The following SPEG variants were observed in gnomAD, a reference collection of about 807,000 sequenced individuals.
SPEG encodes the protein striated muscle preferentially expressed protein kinase.
In SPEG, 114 loss-of-function variants were observed where a neutral mutation model predicts 300.4. That is an observed-to-expected ratio of 0.38 (90% confidence interval 0.33 to 0.44). SPEG has a LOEUF of 0.44. Ranked by LOEUF, SPEG falls within the 20% of genes least tolerant of loss-of-function variation. The probability of loss-of-function intolerance (pLI) is 1.00; values close to 1 mark genes in which losing one functional copy is unlikely to be tolerated. For synonymous variants in SPEG, 1,964 were observed against 2,018.9 expected (o/e 0.97, Z 0.73); for missense variants, 4,201 against 4,586.2 (o/e 0.92, Z 2.43).
chr2:219,456,571 A>C (rs892488155), intron 6 of SPEG, among the ~76,000 whole-genome samples: 1 of 152,338 alleles, frequency 6.6e-6, no homozygotes, highest in East Asian at 1.9e-4. Flanking sequence ...CTGTTGTTGC[A>C]GCCACTTTTC....
rs529706100 is a variant in SPEG, at chr2:219,445,546, C to T, written c.815+385C>T. ...TTGGTGCCTGCTGTCTCAGCAGCTG[C>T]TGCCTTTTCATCTCTCTGCACATTC... is the stretch of plus-strand genomic sequence containing the variant. On this transcript the variant is annotated intron_variant, in intron 3 of 40. Transcript: ENST00000312358. The surrounding 1 kb of genome is among the most constrained non-coding windows in gnomAD (Gnocchi z 6.1). 301 of 317,754 alleles carry T rather than the reference C, an allele frequency of 9.5e-4. 2 individuals carry two copies. The highest frequency in any genetic ancestry group is 6.2e-3 in the African/African-American group (285 of 45,912). The allele number at this position is 317,754 out of a possible 1,614,324, so 19.7% of individuals were successfully genotyped here. A position where few individuals can be genotyped will look rare whatever the true frequency, so the allele number is the denominator to read the frequency against.
At position 219,488,850 on chromosome 2, in the gene SPEG, C is replaced by G; in HGVS notation, c.8099C>G (p.Pro2700Arg). ...GACACGGCGCTGGTGCTGTGGAAGC[C>G]GGGAGACAGCCGGGCACCTTGCACG... ...YQDTALVLWK[P>R]GDSRAPCTYT... is the part of the protein sequence containing the mutation. The change falls in exon 34 of 41, where the codon CCG becomes CGG. Residue 2700 changes from proline (P) to arginine (R), a missense_variant. Physicochemically the swap from Pro to Arg is moderately radical, Grantham distance 103. Transcript: ENST00000312358. The G allele has an allele frequency of 6.3e-7, 1 of 1,588,778 alleles. No homozygotes were observed. Among genetic ancestry groups the G allele is most frequent in the Non-Finnish European group, 8.6e-7 (1 of 1,166,464 alleles).
Position 219,482,811 on chromosome 2 carries a change from A to G in SPEG, c.5593A>G (p.Thr1865Ala), listed in dbSNP as rs943157971. The G allele has an allele frequency of 3.4e-5, 55 of 1,613,760 alleles. No individual in the cohort carries two copies. The highest frequency in any genetic ancestry group is 4.3e-5 in the Non-Finnish European group (51 of 1,179,952). The change falls in exon 29 of 41, where the codon ACG becomes GCG. Residue 1865 changes from threonine to alanine, a missense_variant. Thr to Ala is a moderately conservative substitution (Grantham distance 58). Transcript: ENST00000312358. ...KTQAKGAEVS[T>A]DHLKLFLSRR... is the part of the protein sequence containing the mutation. ...TCAGGCAAAGGGCGCAGAGGTGAGC[A>G]CGGATCACCTGAAGCTATTCCTCTC...
intron 31 of SPEG, 21 bp downstream of exon 31, chr2:219,485,498 T>C (rs774413991): frequency 6.5e-7 from 1 of 1,531,084 alleles, no homozygotes; most frequent in Admixed American, 2.0e-5. Context: ...GCCTGCTGGG[T>C]GAGGACCCTC....
chr2:219,448,507 C>A lies in SPEG; in HGVS notation c.1349C>A (p.Pro450His). The change falls in exon 4 of 41, where the codon CCC becomes CAC. Residue 450 changes from proline to histidine, a missense_variant. By Grantham distance (77) the Pro-to-His change is moderately conservative (BLOSUM62 -2). Transcript: ENST00000312358. ...KSERGAPWGT[P>H]GASQEELRAP... Reference sequence around the variant, plus strand: ...GAGCGCGGCGCACCGTGGGGCACCCCCGGGGCCTCGCAGGAAGAACTGCGG... The same window carrying A: ...GAGCGCGGCGCACCGTGGGGCACCCACGGGGCCTCGCAGGAAGAACTGCGG... 1.4e-6 allele frequency: 2 copies of A among 1,452,508 alleles called. No individual in the cohort carries two copies. Among genetic ancestry groups the A allele is most frequent in the Non-Finnish European group, 1.8e-6 (2 of 1,111,572 alleles). 90.0% of individuals were successfully genotyped at this position (1,452,508 alleles called of 1,614,324 possible).
chr2:219,480,144 A>G lies in SPEG; in HGVS notation c.5342+4A>G, dbSNP rs1262100871. Reference sequence around the variant, plus strand: ...TGTCTGGAGTCACTGACATCTGGTAAGGCTGGCATGCTGGGCTGGGCCGAC... The same window carrying G: ...TGTCTGGAGTCACTGACATCTGGTAGGGCTGGCATGCTGGGCTGGGCCGAC... On this transcript the variant is annotated splice_donor_region_variant and intron_variant, in intron 25 of 40. Transcript: ENST00000312358. The surrounding 1 kb of genome is among the most constrained non-coding windows in gnomAD (Gnocchi z 5.3). 6.2e-7 allele frequency: 1 copy of G among 1,613,238 alleles called. No individual in the cohort carries two copies. The highest frequency in any genetic ancestry group is 8.5e-7 in the Non-Finnish European group (1 of 1,179,782).
Position 219,484,273 on chromosome 2 carries a change from A to G in SPEG, c.6810A>G (p.Ser2270=). 1 of 1,609,074 alleles carries G rather than the reference A, an allele frequency of 6.2e-7. No individual in the cohort carries two copies. The highest frequency in any genetic ancestry group is 2.2e-5 in the East Asian group (1 of 44,820). ...GPSQGPAAPP[S]EPKPHAAVFA... ...CGCAGGGCCCTGCCGCGCCGCCTTC[A>G]GAGCCCAAGCCCCACGCTGCTGTCT... is the stretch of plus-strand genomic sequence containing the variant. Residue 2270 remains serine, a synonymous_variant, in exon 30 of 41, where the codon TCA becomes TCG. Transcript: ENST00000312358.
Position 219,472,025 on chromosome 2 carries a change from C to T in SPEG, c.3835+38C>T, listed in dbSNP as rs373258647. On this transcript the variant is annotated intron_variant, in intron 14 of 40. Coordinates refer to ENST00000312358, the MANE Select transcript of SPEG (RefSeq NM_005876.5). ...CCCTCGTGGTCAGCTGCACGCACAGCCTGGCCTCTGGCACTACGTGGGGGC... is the reference window on the plus strand; with the variant it reads ...CCCTCGTGGTCAGCTGCACGCACAGTCTGGCCTCTGGCACTACGTGGGGGC... 6.2e-6 allele frequency: 10 copies of T among 1,604,574 alleles called. No homozygotes were observed. In the African/African-American group the frequency reaches 1.1e-4, roughly 17 times the overall value.
intron 38 of SPEG, 70 bp downstream of exon 38, chr2:219,491,026 C>A: frequency 8.3e-7 from 1 of 1,208,546 alleles, no homozygotes; most frequent in Non-Finnish European, 1.2e-6. Context: ...AGGGCTCACC[C>A]CACTTCACTT....
rs1229110235 is a variant in SPEG at position 219,490,723 on chromosome 2, G to C, written c.9162-10G>C. The C allele has an allele frequency of 6.2e-7, 1 of 1,613,708 alleles. No individual in the cohort carries two copies. The highest frequency in any genetic ancestry group is 1.7e-5 in the Admixed American group (1 of 59,996). On this transcript the variant is annotated splice_polypyrimidine_tract_variant and intron_variant, in intron 37 of 40. Coordinates refer to ENST00000312358, the MANE Select transcript of SPEG (RefSeq NM_005876.5). ...GCCGGGTATCATCTGCTCCATCCCT[G>C]CCCTCCCAGGTTCCGGTATTCTGAG...
chr2:219,471,363 G>A (rs1343852733), intron 13 of SPEG, among the ~76,000 whole-genome samples: 1 of 152,202 alleles, frequency 6.6e-6, no homozygotes, highest in African/African-American at 2.4e-5. Flanking sequence ...TGGCTGGCAG[G>A]GAGTTTGGGT....
In SPEG at chr2:219,464,053, G is replaced by T. The variant is rs777194202; in HGVS notation, c.2706-380G>T. Among the ~76,000 whole-genome samples the T allele has an allele frequency of 1.3e-5, 2 of 151,748 alleles. No individual in the cohort carries two copies. Among genetic ancestry groups the T allele is most frequent in the Non-Finnish European group, 2.9e-5 (2 of 67,928 alleles). On this transcript the variant is annotated intron_variant, in intron 8 of 40. Transcript: ENST00000312358. This position sits in a 1 kb window ranked among gnomAD's most constrained non-coding sequence, Gnocchi z 4.5. ...GGGGAGATCGCTTGAGCCTGGGGAG[G>T]TAGAAGCTGCAGTGAGCTGTGATTG...
At position 219,443,540 on chromosome 2, in the gene SPEG, C is replaced by T; in HGVS notation, c.389-1113C>T. On this transcript the variant is annotated intron_variant, in intron 1 of 40. Transcript: ENST00000312358. The surrounding 1 kb of genome is among the most constrained non-coding windows in gnomAD (Gnocchi z 4.6). ...AAAATACTCCCAGGAACCTTTTCTC[C>T]TAACCTAACCACTGGGCATTTTTGA... is the stretch of plus-strand genomic sequence containing the variant. 3.2e-6 allele frequency: 1 copy of T among 313,300 alleles called. No individual in the cohort carries two copies. The highest frequency in any genetic ancestry group is 6.1e-6 in the Non-Finnish European group (1 of 163,124). The allele number at this position is 313,300 out of a possible 1,614,324, so 19.4% of individuals were successfully genotyped here.
rs1693193286 is a variant in SPEG, at chr2:219,484,500, C to CGCTGGG, written c.7042_7047dup (p.Gly2348_Leu2349dup). The CGCTGGG allele has an allele frequency of 2.5e-6, 4 of 1,606,232 alleles. No individual in the cohort carries two copies. The highest frequency in any genetic ancestry group is 3.4e-5 in the Admixed American group (2 of 59,558). ...AAGCGCAGCCGCGAGTCGCCCCTGT[C>CGCTGGG]GCTGGGGCTGCGGCTGCTGAGCCGT... On this transcript the variant is annotated inframe_insertion, in exon 30 of 41. Transcript: ENST00000312358.
rs746116327 is a variant in SPEG at position 219,451,837 on chromosome 2, T to C, written c.2440+30T>C. 2 of 1,490,996 alleles carry C rather than the reference T, an allele frequency of 1.3e-6. No homozygotes were observed. The highest frequency in any genetic ancestry group is 1.8e-6 in the Non-Finnish European group (2 of 1,114,606). The allele number at this position is 1,490,996 out of a possible 1,614,324, so 92.4% of individuals were successfully genotyped here. A position where few individuals can be genotyped will look rare whatever the true frequency, so the allele number is the denominator to read the frequency against. ...GGAGCCCATCAACCCTGGGGCTGGG[T>C]GGGGGCAAGCCGTGACTCTCCCCTG... On this transcript the variant is annotated intron_variant, in intron 6 of 40. Transcript: ENST00000312358. This position sits in a 1 kb window ranked among gnomAD's most constrained non-coding sequence, Gnocchi z 6.4.
Position 219,481,240 on chromosome 2 carries a change from G to A in SPEG, c.5370-64G>A. ...AGCCTCCATCTGTCCCCAGCCCTGTGCCCCCACTGACATTCCCCTTTGTCC... is the reference window on the plus strand; with the variant it reads ...AGCCTCCATCTGTCCCCAGCCCTGTACCCCCACTGACATTCCCCTTTGTCC... On this transcript the variant is annotated intron_variant, in intron 26 of 40. Transcript: ENST00000312358. This position sits in a 1 kb window ranked among gnomAD's most constrained non-coding sequence, Gnocchi z 5.4. 6.5e-7 allele frequency: 1 copy of A among 1,544,002 alleles called. No individual in the cohort carries two copies. Among genetic ancestry groups the A allele is most frequent in the Non-Finnish European group, 8.9e-7 (1 of 1,127,496 alleles).
chr2:219,448,963 G>C lies in SPEG; in HGVS notation c.1805G>C (p.Arg602Thr). 3 of 1,511,796 alleles carry C rather than the reference G, an allele frequency of 2.0e-6. No homozygotes were observed. Among genetic ancestry groups the C allele is most frequent in the Middle Eastern group, 3.4e-4 (2 of 5,798 alleles). The allele number at this position is 1,511,796 out of a possible 1,614,324, so 93.6% of individuals were successfully genotyped here. ...GACCAATTCCCGCTGACCCGGAGCA[G>C]AGCCATCCAGGAGTGCAGGAGCCCT... ...RRDQFPLTRSRAIQECRSPVP... is the reference protein window; with the variant it reads ...RRDQFPLTRSTAIQECRSPVP... The change falls in exon 4 of 41, where the codon AGA becomes ACA. Residue 602 changes from arginine to threonine, a missense_variant. Around this residue, in one of 4 missense-constraint regions of SPEG, gnomAD observed 1,258 missense variants for 1,293.9 expected, o/e 0.97. Coordinates refer to ENST00000312358, the MANE Select transcript of SPEG (RefSeq NM_005876.5).
intron 1 of SPEG, among the ~76,000 whole-genome samples, chr2:219,442,683 C>T (rs1235544498): frequency 7.0e-6 from 1 of 143,532 alleles, no homozygotes; most frequent in East Asian, 2.3e-4. Context: ...CTCGTTCCTC[C>T]ATCTCCCAGT....
chr2:219,473,970 G>A lies in SPEG; in HGVS notation c.4447+67G>A. 1 of 1,519,998 alleles carries A rather than the reference G, an allele frequency of 6.6e-7. No individual in the cohort carries two copies. The highest frequency in any genetic ancestry group is 8.9e-7 in the Non-Finnish European group (1 of 1,127,388). The allele number at this position is 1,519,998 out of a possible 1,614,324, so 94.2% of individuals were successfully genotyped here. ...CCAAAGCTCTCTACTCACACCCCCA[G>A]GTACACAACCTGCCTGACACTGCTG... On this transcript the variant is annotated intron_variant, in intron 18 of 40. Coordinates refer to ENST00000312358, the MANE Select transcript of SPEG (RefSeq NM_005876.5). This position sits in a 1 kb window ranked among gnomAD's most constrained non-coding sequence, Gnocchi z 4.6.
Sources: allele counts gnomAD v4.1 joint callset (sites outside exome capture counted in the v4.1 genomes callset), GRCh38; gene constraint gnomAD v4.1.1; regional missense constraint gnomAD v4.1.1; non-coding constraint Gnocchi (gnomAD v3.1); transcripts MANE v1.5; gene names NCBI Gene and HGNC (gene_info 2026-07-23, HGNC 2026-07-21).